Variants in SOD2 observed in about 807,000 individuals in gnomAD.
The protein encoded by SOD2 is superoxide dismutase 2, also known as superoxide dismutase [Mn], mitochondrial.
A neutral mutation model predicts 27.0 loss-of-function variants in SOD2; 11 were observed. That is an observed-to-expected ratio of 0.41 (90% CI 0.26 to 0.67). The LOEUF (loss-of-function observed/expected upper bound fraction) is 0.67, where lower values mean the gene tolerates loss of function less well. Among genes scored for constraint, SOD2 ranks in the 30% least tolerant of loss-of-function variants. SOD2 has a pLI of 0.34. For synonymous variants in SOD2, 105 were observed against 103.0 expected (o/e 1.02, Z -0.12); for missense variants, 250 against 274.5 (o/e 0.91, Z 0.63).
At chr6:159,746,107 A>G (rs1476097200), upstream of SOD2, among the ~76,000 whole-genome samples, 2 of 152,236 alleles carry the variant, frequency 1.3e-5, no homozygotes, top group African/African-American at 4.8e-5. Flanking sequence ...AAAGGCATAC[A>G]TAAAGTTCTG....
At position 159,682,556 on chromosome 6, in the gene SOD2, T is replaced by C; in HGVS notation, c.606A>G (p.Lys202=). Residue 202 remains lysine, a synonymous_variant, in exon 5 of 5, where the codon AAA becomes AAG. Transcript: ENST00000538183. ...CCCAGTTGATTACATTCCAAATAGC[T>C]TTTAGATAATCAGGCCTGACATTTT... The part of the protein sequence containing the change: ...QYKNVRPDYL[K]AIWNVINWEN... 1 of 1,614,112 alleles carries C rather than the reference T, an allele frequency of 6.2e-7. No individual in the cohort carries two copies. Among genetic ancestry groups the C allele is most frequent in the Non-Finnish European group, 8.5e-7 (1 of 1,179,980 alleles).
chr6:159,719,177 C>A (rs1218685418), intron 1 of SOD2, among the ~76,000 whole-genome samples: 1 of 151,986 alleles, frequency 6.6e-6, no homozygotes, highest in Non-Finnish European at 1.5e-5. Context: ...GAGATCAGTG[C>A]CCTTATAAAA....
At chr6:159,732,859 TCTCTCTC>T in intron 1 of SOD2, among the ~76,000 whole-genome samples, 1 of 92,102 alleles carries the variant, frequency 1.1e-5, no homozygotes, top group Non-Finnish European at 2.2e-5. Context: ...TTTCTCTCTC[TCTCTCTC>T]TCTCTCTGTA....
chr6:159,735,749 A>C (rs538166864), intron 1 of SOD2, among the ~76,000 whole-genome samples: 71 of 139,374 alleles, frequency 5.1e-4, no homozygotes, highest in African/African-American at 1.8e-3. Flanking sequence ...ACTGTGTCTC[A>C]AAAAAAATAA....
upstream of SOD2, among the ~76,000 whole-genome samples, chr6:159,746,564 T>G (rs971208154): frequency 6.6e-6 from 1 of 152,206 alleles, no homozygotes; most frequent in Non-Finnish European, 1.5e-5. Context: ...CTACATGCAG[T>G]CTTTGCCAAG....
intron 1 of SOD2, among the ~76,000 whole-genome samples, chr6:159,733,619 C>CAAA (rs572744439): frequency 8.9e-6 from 1 of 112,374 alleles, no homozygotes. Flanking sequence ...GAGACTGTCT[C>CAAA]AAAAAAAAAA....
At chr6:159,713,488 T>C in intron 1 of SOD2, 2 of 665,220 alleles carry the variant, frequency 3.0e-6, no homozygotes. Flanking sequence ...CCTGTGTTTC[T>C]TCAATGCCGT....
In SOD2 at chr6:159,677,730, CT is replaced by C. The variant is rs1039613685; in HGVS notation, c.*4762del. On this transcript the variant is annotated 3_prime_UTR_variant, in exon 5 of 5. Coordinates refer to ENST00000538183, the MANE Select transcript of SOD2 (RefSeq NM_000636.4). ...GCAAACTCCTGGGCCTGTGATCCTC[CT>C]GCCTTAGCTTCTTAGTAGCTGGGAT... is the stretch of plus-strand genomic sequence containing the variant. 3 of 152,208 alleles carry C rather than the reference CT, an allele frequency of 2.0e-5. No homozygotes were observed. The highest frequency in any genetic ancestry group is 4.4e-5 in the Non-Finnish European group (3 of 68,046). The allele number at this position is 152,208 out of a possible 1,614,324, so 9.4% of individuals were successfully genotyped here.
At chr6:159,739,288 T>A (rs2114909829) in intron 1 of SOD2, among the ~76,000 whole-genome samples, 1 of 152,338 alleles carries the variant, frequency 6.6e-6, no homozygotes, top group Admixed American at 6.5e-5. Context: ...GTGTAGTTTT[T>A]CCTTTCGTGT....
In SOD2 at chr6:159,693,206, G is replaced by A; in HGVS notation, c.-39C>T. On this transcript the variant is annotated 5_prime_UTR_variant, in exon 1 of 5. Coordinates refer to ENST00000538183, the MANE Select transcript of SOD2 (RefSeq NM_000636.4). ...GTGCTACCGCTGATGCCGCCGATCTGCTGAAGCCGCTGCCGAAGCCACCAC... is the reference window on the plus strand; with the variant it reads ...GTGCTACCGCTGATGCCGCCGATCTACTGAAGCCGCTGCCGAAGCCACCAC... 1 of 1,506,676 alleles carries A rather than the reference G, an allele frequency of 6.6e-7. No homozygotes were observed. Among genetic ancestry groups the A allele is most frequent in the Non-Finnish European group, 8.9e-7 (1 of 1,123,466 alleles). 93.3% of individuals were successfully genotyped at this position (1,506,676 alleles called of 1,614,324 possible). A position where few individuals can be genotyped will look rare whatever the true frequency, so the allele number is the denominator to read the frequency against.
In SOD2 at chr6:159,672,324, G is replaced by A. The variant is rs1399635907; in HGVS notation, c.*10169C>T. 6.6e-6 allele frequency: 1 copy of A among 152,148 alleles called. No homozygotes were observed. Among genetic ancestry groups the A allele is most frequent in the Non-Finnish European group, 1.5e-5 (1 of 68,020 alleles). The allele number at this position is 152,148 out of a possible 1,614,324, so 9.4% of individuals were successfully genotyped here. A position where few individuals can be genotyped will look rare whatever the true frequency, so the allele number is the denominator to read the frequency against. On this transcript the variant is annotated 3_prime_UTR_variant, in exon 5 of 5. Coordinates refer to ENST00000538183, the MANE Select transcript of SOD2 (RefSeq NM_000636.4). ...CCAAAGTTGAAATGAAGGAAAAAAT[G>A]TTAAGGGCAGCCAGAGAGAAAGGTC...
chr6:159,702,638 G>A (rs1438712569), intron 1 of SOD2, among the ~76,000 whole-genome samples: 1 of 129,500 alleles, frequency 7.7e-6, no homozygotes, highest in Admixed American at 8.4e-5. Flanking sequence ...AGCAATACAG[G>A]GAAGCTCTAT....
intron 1 of SOD2, chr6:159,736,140 A>G (rs1778898827): frequency 9.8e-7 from 1 of 1,022,036 alleles, no homozygotes; most frequent in Non-Finnish European, 1.4e-6. Context: ...TTAAATTCTA[A>G]TTATTCAACA....
At chr6:159,708,262 T>C (rs1342011840) in intron 1 of SOD2, among the ~76,000 whole-genome samples, 2 of 152,238 alleles carry the variant, frequency 1.3e-5, no homozygotes, top group East Asian at 1.9e-4. Context: ...TTGGAAGTTC[T>C]GGCCAGGGCC....
Position 159,713,414 on chromosome 6 carries a change from A to G in SOD2, c.-116+13715T>C. ...GCCATGAGCTTCTGAGAGGGATCATAGTAGGTATGAACTTCAGCTTGGCTA... is the reference window on the plus strand; with the variant it reads ...GCCATGAGCTTCTGAGAGGGATCATGGTAGGTATGAACTTCAGCTTGGCTA... On this transcript the variant is annotated intron_variant, in intron 1 of 2. Coordinates refer to the SOD2 transcript ENST00000401980. 9.2e-6 allele frequency: 6 copies of G among 653,466 alleles called. No individual in the cohort carries two copies. In the South Asian group the frequency reaches 9.2e-5, roughly 10 times the overall value. 40.5% of individuals were successfully genotyped at this position (653,466 alleles called of 1,614,324 possible).
intron 1 of SOD2, among the ~76,000 whole-genome samples, chr6:159,721,675 C>CTTTTTTTTTTTTTTTTTTTTTTTTTTTTT (rs55950207): frequency 1.2e-5 from 1 of 82,206 alleles, no homozygotes; most frequent in Admixed American, 1.7e-4. Flanking sequence ...TGCGGCTGAC[C>CTTTTTTTTTTTTTTTTTTTTTTTTTTTTT]TTTTTTTTTT....
At chr6:159,752,020 G>A (rs949262804) in intron 1 of SOD2, among the ~76,000 whole-genome samples, 3 of 148,528 alleles carry the variant, frequency 2.0e-5, no homozygotes, top group Non-Finnish European at 3.0e-5. Context: ...CTGAGATCAC[G>A]CCACTGCACT....
rs1487126397 is a variant in SOD2 at position 159,671,640 on chromosome 6, G to GA, written c.*10852dup. 1 of 152,126 alleles carries GA rather than the reference G, an allele frequency of 6.6e-6. No homozygotes were observed. Among genetic ancestry groups the GA allele is most frequent in the African/African-American group, 2.4e-5 (1 of 41,424 alleles). The allele number at this position is 152,126 out of a possible 1,614,324, so 9.4% of individuals were successfully genotyped here. On this transcript the variant is annotated 3_prime_UTR_variant, in exon 5 of 5. Coordinates refer to ENST00000538183, the MANE Select transcript of SOD2 (RefSeq NM_000636.4). The stretch of plus-strand genomic sequence containing the variant: ...AGGTAGATAAAACCACAAAGATGGG[G>GA]AAAAAACAGAGCAGAAAAGCTGAAA...
At chr6:159,706,850 C>T (rs1446470824) in intron 1 of SOD2, among the ~76,000 whole-genome samples, 8 of 152,154 alleles carry the variant, frequency 5.3e-5, no homozygotes, top group Admixed American at 6.5e-5. Context: ...TATTCCAAAA[C>T]TGACCACATA....
Sources: gnomAD v4.1 joint callset for allele counts (sites outside exome capture counted in the v4.1 genomes callset) on GRCh38, gnomAD v4.1.1 for gene constraint, MANE v1.5 for transcripts, NCBI Gene and HGNC (gene_info 2026-07-23, HGNC 2026-07-21) for gene names.